BRSK2: variants seen among roughly 807,000 people sequenced by gnomAD.
The protein encoded by BRSK2 is BR serine/threonine kinase 2.
In BRSK2, 19 loss-of-function variants were observed where a neutral mutation model predicts 83.3. The observed-to-expected ratio is 0.23, with a 90% CI of 0.16 to 0.33. The LOEUF (loss-of-function observed/expected upper bound fraction) is 0.33. BRSK2 is among the 10% of genes least tolerant of loss of function. The pLI is 1.00. For missense variants in BRSK2, 798 were observed against 1,042.3 expected, an observed-to-expected ratio of 0.77 and a Z score of 3.23; for synonymous variants, 519 against 435.4, an observed-to-expected ratio of 1.19 and a Z score of -2.39.
intron 1 of BRSK2, among the ~76,000 whole-genome samples, chr11:1,394,357 C>A (rs562370384): frequency 0.01 from 797 of 78,600 alleles, 55 homozygotes; most frequent in African/African-American, 0.057. Flanking sequence ...GAGATGGGTC[C>A]TGGAGATGGG....
chr11:1,452,405 C>G (rs1845909538), intron 15 of BRSK2, among the ~76,000 whole-genome samples: 1 of 152,184 alleles, frequency 6.6e-6, no homozygotes, highest in African/African-American at 2.4e-5. Flanking sequence ...CCGCCTAGGC[C>G]CTGACATTGC....
chr11:1,445,685 G>T lies in BRSK2; in HGVS notation c.1075+17G>T. ...ACGAGATAGGTATGGGTCCAGGGGT[G>T]GCCTCCAGCCCGGCCTGCACTGCCC... On this transcript the variant is annotated intron_variant, in intron 11 of 19. Coordinates refer to ENST00000528841, the MANE Select transcript of BRSK2 (RefSeq NM_001256627.2). 1 of 1,610,490 alleles carries T rather than the reference G, an allele frequency of 6.2e-7. No homozygotes were observed. The highest frequency in any genetic ancestry group is 8.5e-7 in the Non-Finnish European group (1 of 1,178,832).
chr11:1,460,460 CCT>C (rs1491327562), intron 19 of BRSK2, 38 bp from the exon 20 acceptor site: 134,530 of 1,106,184 alleles, frequency 0.12, 3,643 homozygotes, highest in Non-Finnish European at 0.13. Context: ...TTTCTTTTTT[CCT>C]TTTTTTTTTT....
At chr11:1,453,379 C>T (rs1197677498) in intron 15 of BRSK2, among the ~76,000 whole-genome samples, 2 of 152,266 alleles carry the variant, frequency 1.3e-5, no homozygotes, top group Admixed American at 6.5e-5. Context: ...TCTGTCCTGT[C>T]TCTTCATCGG....
At chr11:1,398,110 C>T (rs922324608) in intron 1 of BRSK2, among the ~76,000 whole-genome samples, 2 of 152,198 alleles carry the variant, frequency 1.3e-5, no homozygotes, top group African/African-American at 4.8e-5. Flanking sequence ...CCTGCCTGGC[C>T]AGGAATGTCG....
chr11:1,424,423 G>A (rs1020162768), intron 1 of BRSK2, among the ~76,000 whole-genome samples: 1 of 152,252 alleles, frequency 6.6e-6, no homozygotes, highest in African/African-American at 2.4e-5. Flanking sequence ...GCCCCCACCT[G>A]CCCTCAGAAT....
chr11:1,460,681 G>A lies in BRSK2; in HGVS notation c.2169G>A (p.Thr723=), dbSNP rs1228148598. ...GDAEYPTGKD[T]AKMGPPTARR... is the part of the protein sequence containing the mutation. ...CCGAGTACCCAACGGGCAAGGACACGGCCAAGATGGGCCCGCCCACCGCCC... is the reference window on the plus strand; with the variant it reads ...CCGAGTACCCAACGGGCAAGGACACAGCCAAGATGGGCCCGCCCACCGCCC... The change falls in exon 20 of 20, where the codon ACG becomes ACA. Residue 723 remains threonine (T), a synonymous_variant. Coordinates refer to ENST00000528841, the MANE Select transcript of BRSK2 (RefSeq NM_001256627.2). 7 of 1,517,854 alleles carry A rather than the reference G, an allele frequency of 4.6e-6. No individual in the cohort carries two copies. Among genetic ancestry groups the A allele is most frequent in the East Asian group, 2.5e-5 (1 of 40,070 alleles). The allele number at this position is 1,517,854 out of a possible 1,614,324, so 94.0% of individuals were successfully genotyped here. A position where few individuals can be genotyped will look rare whatever the true frequency, so the allele number is the denominator to read the frequency against.
rs1564879748 is a variant in BRSK2, at chr11:1,454,395, T to C, written c.1545-90T>C. The C allele has an allele frequency of 6.8e-7, 1 of 1,479,798 alleles. No individual in the cohort carries two copies. Among genetic ancestry groups the C allele is most frequent in the Non-Finnish European group, 9.3e-7 (1 of 1,071,824 alleles). 91.7% of individuals were successfully genotyped at this position (1,479,798 alleles called of 1,614,324 possible). ...GTTTCTATCACGAAGCGATGGAAGA[T>C]TCCGCCGTTCCAACCCCAGATTCGA... On this transcript the variant is annotated intron_variant, in intron 15 of 19. Transcript: ENST00000528841. This position sits in a 1 kb window ranked among gnomAD's most constrained non-coding sequence, Gnocchi z 5.2.
At chr11:1,445,180 G>T in intron 9 of BRSK2, 114 bp from the exon 10 acceptor site, 1 of 1,480,162 alleles carries the variant, frequency 6.8e-7, no homozygotes, top group South Asian at 1.3e-5. Context: ...CCCCGGGCTG[G>T]GCACAGGGAG....
rs771416078 is a variant in BRSK2 at position 1,456,506 on chromosome 11, C to T, written c.1827C>T (p.Ser609=). 19 of 1,578,850 alleles carry T rather than the reference C, an allele frequency of 1.2e-5. No homozygotes were observed. The highest frequency in any genetic ancestry group is 1.7e-4 in the Middle Eastern group (1 of 5,908). Residue 609 remains serine (S), a synonymous_variant, in exon 17 of 20, where the codon TCC becomes TCT. Transcript: ENST00000528841. ...GEAQKENGIY[S]VTFTLLSGPS... is the part of the protein sequence containing the mutation. ...CGCAGAAGGAGAACGGCATCTACTC[C>T]GTCACCTTCACCCTGCTCTCAGGTG... is the stretch of plus-strand genomic sequence containing the variant.
intron 1 of BRSK2, among the ~76,000 whole-genome samples, chr11:1,427,101 C>A (rs1849320158): frequency 6.6e-6 from 1 of 152,180 alleles, no homozygotes; most frequent in Admixed American, 6.5e-5. Flanking sequence ...GCTGGCTTGG[C>A]TCCTGGACCT....
At chr11:1,410,552 G>T in intron 1 of BRSK2, 4 of 985,458 alleles carry the variant, frequency 4.1e-6, no homozygotes, top group Non-Finnish European at 4.8e-6. Flanking sequence ...ACGAGACGCC[G>T]CTTTTGATGT....
chr11:1,440,506 C>T (rs986594787), intron 3 of BRSK2, among the ~76,000 whole-genome samples: 3 of 152,140 alleles, frequency 2.0e-5, no homozygotes, highest in East Asian at 1.9e-4. Context: ...CCCTCCCTGG[C>T]GGCTGTGCCC....
chr11:1,456,750 G>A lies in BRSK2; in HGVS notation c.1939+63G>A, dbSNP rs544495706. Reference sequence around the variant, plus strand: ...GAGTGGGGCGTGGCCAGCTGGTGCTGCGCGGACGGGAGGCGTGAGGACCCG... The same window carrying A: ...GAGTGGGGCGTGGCCAGCTGGTGCTACGCGGACGGGAGGCGTGAGGACCCG... On this transcript the variant is annotated intron_variant, in intron 18 of 19. Transcript: ENST00000528841. The A allele has an allele frequency of 5.1e-4, 772 of 1,509,184 alleles. 10 individuals carry two copies. In the South Asian group the frequency reaches 8.8e-3, roughly 17 times the overall value. 93.5% of individuals were successfully genotyped at this position (1,509,184 alleles called of 1,614,324 possible). A position where few individuals can be genotyped will look rare whatever the true frequency, so the allele number is the denominator to read the frequency against.
chr11:1,456,870 G>C, intron 18 of BRSK2, 183 bp downstream of exon 18: 1 of 1,483,918 alleles, frequency 6.7e-7, no homozygotes, highest in East Asian at 2.4e-5. Context: ...TCCCTGGCCT[G>C]GCGGGACCAC....
In BRSK2 at chr11:1,456,415, G is replaced by T. The variant is rs775284096; in HGVS notation, c.1736G>T (p.Gly579Val). The change falls in exon 17 of 20, where the codon GGG becomes GTG. Residue 579 changes from glycine (G) to valine (V), a missense_variant. This residue lies in a region of BRSK2 where 455 missense variants were observed against 455.2 expected (regional missense o/e 1.00). Coordinates refer to ENST00000528841, the MANE Select transcript of BRSK2 (RefSeq NM_001256627.2). The stretch of plus-strand genomic sequence containing the variant: ...CGGGCCGAGTACAAGGCCACGGGGG[G>T]GCCAGCCGTGTTCCAGAAGCCGGTC... ...SFRAEYKATG[G>V]PAVFQKPVKF... The T allele has an allele frequency of 4.4e-6, 7 of 1,600,464 alleles. No individual in the cohort carries two copies. The highest frequency in any genetic ancestry group is 6.0e-6 in the Non-Finnish European group (7 of 1,174,414).
At chr11:1,451,472 A>G in intron 15 of BRSK2, 53 bp downstream of exon 15, 1 of 1,588,072 alleles carries the variant, frequency 6.3e-7, no homozygotes. Context: ...GCTGGCCGGG[A>G]GAGGGGCATG....
In BRSK2 at chr11:1,441,021, C is replaced by A. The variant is rs368026662; in HGVS notation, c.413+93C>A. On this transcript the variant is annotated intron_variant, in intron 4 of 19. Transcript: ENST00000528841. ...CCCCCTGTGCCCCAAGGACTACACC[C>A]CCTATGGTGCTATTCCGAGGTACAC... 3.3e-4 allele frequency: 371 copies of A among 1,109,492 alleles called. 1 individual carries two copies. The East Asian group carries it at 7.3e-3, about 22-fold the overall frequency. The allele number at this position is 1,109,492 out of a possible 1,614,324, so 68.7% of individuals were successfully genotyped here. A position where few individuals can be genotyped will look rare whatever the true frequency, so the allele number is the denominator to read the frequency against.
At chr11:1,445,228 C>T (rs982237225) in intron 9 of BRSK2, 66 bp from the exon 10 acceptor site, 3 of 1,541,120 alleles carry the variant, frequency 1.9e-6, no homozygotes, top group South Asian at 1.2e-5. Flanking sequence ...GGGCGGGCGT[C>T]CCACCCTCGC....
Sources: allele counts gnomAD v4.1 joint callset (sites outside exome capture counted in the v4.1 genomes callset), GRCh38; gene constraint gnomAD v4.1.1; regional missense constraint gnomAD v4.1.1; non-coding constraint Gnocchi (gnomAD v3.1); transcripts MANE v1.5; gene names NCBI Gene and HGNC (gene_info 2026-07-23, HGNC 2026-07-21).